Variants in ABHD17C observed in about 807,000 individuals in gnomAD.
The protein encoded by ABHD17C is alpha/beta hydrolase domain-containing protein 17C.
Under a neutral mutation model 27.9 loss-of-function variants are expected in ABHD17C, and 11 were observed. The observed-to-expected ratio is 0.39, with a 90% CI of 0.25 to 0.65. The LOEUF (loss-of-function observed/expected upper bound fraction) is 0.65, where lower values mean the gene tolerates loss of function less well. Among genes scored for constraint, ABHD17C ranks in the 30% least tolerant of loss-of-function variants. The pLI is 0.45. For missense variants in ABHD17C, 280 were observed against 470.2 expected, an observed-to-expected ratio of 0.60 and a Z score of 3.74; for synonymous variants, 233 against 209.1, an observed-to-expected ratio of 1.11 and a Z score of -0.98.
chr15:80,740,631 G>A (rs1895196703), intron 1 of ABHD17C, among the ~76,000 whole-genome samples: 1 of 152,112 alleles, frequency 6.6e-6, no homozygotes. Context: ...GGGGGTACAG[G>A]TCATGATGAT....
At chr15:80,742,636 C>T (rs1183469066) in intron 1 of ABHD17C, among the ~76,000 whole-genome samples, 2 of 152,108 alleles carry the variant, frequency 1.3e-5, no homozygotes, top group African/African-American at 2.4e-5. Context: ...CTAGTTGATA[C>T]GTAAAATTAG....
intron 1 of ABHD17C, among the ~76,000 whole-genome samples, chr15:80,722,148 T>G (rs1399263214): frequency 6.6e-6 from 1 of 152,086 alleles, no homozygotes; most frequent in Non-Finnish European, 1.5e-5. Context: ...CACCTTCAGT[T>G]ACCGAGAAGC....
At chr15:80,751,224 G>A in intron 2 of ABHD17C, among the ~76,000 whole-genome samples, 1 of 151,992 alleles carries the variant, frequency 6.6e-6, no homozygotes, top group South Asian at 2.1e-4. Context: ...GACGAGCGTG[G>A]TGGTGCACAC....
At chr15:80,753,601 G>T (rs568379211) in intron 2 of ABHD17C, among the ~76,000 whole-genome samples, 2 of 152,174 alleles carry the variant, frequency 1.3e-5, no homozygotes, top group South Asian at 4.2e-4. Flanking sequence ...GAGTGCAGTG[G>T]CACGATCTCA....
intron 1 of ABHD17C, among the ~76,000 whole-genome samples, chr15:80,730,697 GCTTACTT>G (rs1355871543): frequency 6.6e-6 from 1 of 152,142 alleles, no homozygotes; most frequent in Non-Finnish European, 1.5e-5. Flanking sequence ...CGTGTGAAGT[GCTTACTT>G]CAGAGTGCAC....
At chr15:80,748,698 G>C (rs1895325344) in intron 1 of ABHD17C, among the ~76,000 whole-genome samples, 1 of 141,012 alleles carries the variant, frequency 7.1e-6, no homozygotes, top group Non-Finnish European at 1.5e-5. Context: ...CATATCTAGG[G>C]TGCCGCATCC....
At chr15:80,726,229 G>A (rs556558973) in intron 1 of ABHD17C, among the ~76,000 whole-genome samples, 6 of 152,310 alleles carry the variant, frequency 3.9e-5, no homozygotes, top group Admixed American at 1.3e-4. Context: ...CGGGCCAGGT[G>A]TTCCTTTCCT....
intron 1 of ABHD17C, among the ~76,000 whole-genome samples, chr15:80,730,075 C>T (rs982315582): frequency 6.6e-6 from 1 of 151,914 alleles, no homozygotes; most frequent in African/African-American, 2.4e-5. Context: ...CGCCACTGCC[C>T]TCCAGCCTGG....
chr15:80,712,689 T>A (rs1383392197), intron 1 of ABHD17C, among the ~76,000 whole-genome samples: 1 of 152,208 alleles, frequency 6.6e-6, no homozygotes, highest in Admixed American at 6.5e-5. Flanking sequence ...CAGCTCATTC[T>A]AATATGTTTT....
intron 1 of ABHD17C, 53 bp downstream of exon 1, chr15:80,696,072 G>A (rs1894490257): frequency 2.0e-6 from 3 of 1,492,690 alleles, no homozygotes; most frequent in Non-Finnish European, 2.7e-6. Context: ...GAGGCGGGGT[G>A]GGGGTCTCTT....
intron 1 of ABHD17C, among the ~76,000 whole-genome samples, chr15:80,739,744 T>C (rs1220483972): frequency 6.6e-6 from 1 of 152,146 alleles, no homozygotes; most frequent in Non-Finnish European, 1.5e-5. Context: ...TAAACCTCTG[T>C]TCTTTATAAA....
At chr15:80,699,292 C>T (rs1266662289) in intron 1 of ABHD17C, among the ~76,000 whole-genome samples, 1 of 152,068 alleles carries the variant, frequency 6.6e-6, no homozygotes, top group East Asian at 1.9e-4. Context: ...ATTTGTTGAA[C>T]GAATTGCACA....
intron 1 of ABHD17C, among the ~76,000 whole-genome samples, chr15:80,722,872 T>C (rs1894917522): frequency 6.6e-6 from 1 of 152,212 alleles, no homozygotes; most frequent in Admixed American, 6.5e-5. Context: ...GGACCATCCA[T>C]GTTGTTGTAA....
intron 1 of ABHD17C, among the ~76,000 whole-genome samples, chr15:80,713,680 G>C (rs1047726975): frequency 3.0e-4 from 46 of 151,854 alleles, no homozygotes; most frequent in African/African-American, 1.1e-3. Flanking sequence ...GTGGTGGCAG[G>C]CGCCTGTAAT....
chr15:80,732,140 G>A (rs1895065449), intron 1 of ABHD17C, among the ~76,000 whole-genome samples: 1 of 152,222 alleles, frequency 6.6e-6, no homozygotes, highest in Non-Finnish European at 1.5e-5. Flanking sequence ...TGACTGGGCA[G>A]CTACACACCA....
Position 80,695,474 on chromosome 15 carries a change from G to A in ABHD17C, c.45G>A (p.Glu15=), listed in dbSNP as rs1274410630. The A allele has an allele frequency of 5.1e-6, 7 of 1,383,988 alleles. No homozygotes were observed. The highest frequency in any genetic ancestry group is 4.9e-5 in the Admixed American group (2 of 40,778). 85.7% of individuals were successfully genotyped at this position (1,383,988 alleles called of 1,614,324 possible). The change falls in exon 1 of 3, where the codon GAG becomes GAA. Residue 15 remains glutamate (E), a synonymous_variant. Transcript: ENST00000258884. This position sits in a 1 kb window ranked among gnomAD's most constrained non-coding sequence, Gnocchi z 4.3. The part of the protein sequence containing the change: ...GPRMNGFSLG[E]LCWLFCCPPC... ...GGATGAACGGCTTCTCGCTGGGTGA[G>A]CTGTGCTGGCTCTTCTGCTGCCCGC...
At chr15:80,725,159 G>A (rs1047286917) in intron 1 of ABHD17C, among the ~76,000 whole-genome samples, 2 of 152,154 alleles carry the variant, frequency 1.3e-5, no homozygotes, top group African/African-American at 2.4e-5. Context: ...TGGGTATCAG[G>A]GTCCAGTCTT....
At position 80,695,979 on chromosome 15, in the gene ABHD17C, TACGCCGACATCG is replaced by T; in HGVS notation, c.557_568del (p.Asp186_Ala189del). 6.3e-7 allele frequency: 1 copy of T among 1,588,642 alleles called. No individual in the cohort carries two copies. The highest frequency in any genetic ancestry group is 8.5e-7 in the Non-Finnish European group (1 of 1,175,318). ...GGGCAAGCCCTCCGAGAAGAACCTC[TACGCCGACATCG>T]ACGCCGCGTGGCAGGCGCTGCGCAC... On this transcript the variant is annotated inframe_deletion, in exon 1 of 3. Transcript: ENST00000258884. The surrounding 1 kb of genome is among the most constrained non-coding windows in gnomAD (Gnocchi z 4.3).
intron 1 of ABHD17C, among the ~76,000 whole-genome samples, chr15:80,746,046 T>G (rs1303976408): frequency 2.0e-5 from 3 of 152,250 alleles, no homozygotes; most frequent in Admixed American, 2.0e-4. Flanking sequence ...TCTATCAACA[T>G]AAGTCCCCAT....
Sources: allele counts gnomAD v4.1 joint callset (sites outside exome capture counted in the v4.1 genomes callset), GRCh38; gene constraint gnomAD v4.1.1; non-coding constraint Gnocchi (gnomAD v3.1); transcripts MANE v1.5; gene names NCBI Gene and HGNC (gene_info 2026-07-23, HGNC 2026-07-21).